Variants in UAP1 observed in about 807,000 individuals in gnomAD.
UAP1 encodes the protein UDP-N-acetylglucosamine pyrophosphorylase 1, also known as UDP-N-acetylhexosamine pyrophosphorylase.
UAP1 carries 25 observed loss-of-function variants against 58.5 expected under a neutral mutation model. That is an observed-to-expected ratio of 0.43 (90% CI 0.31 to 0.60). The LOEUF is 0.60. Among genes scored for constraint, UAP1 ranks in the 20% least tolerant of loss-of-function variants. UAP1 has a pLI of 0.11. For synonymous variants in UAP1, 208 were observed against 213.0 expected (o/e 0.98, Z 0.21); for missense variants, 575 against 630.0 (o/e 0.91, Z 0.93).
intron 10 of UAP1, among the ~76,000 whole-genome samples, chr1:162,598,973 A>C (rs1037374659): frequency 6.6e-6 from 1 of 151,908 alleles, no homozygotes; most frequent in Non-Finnish European, 1.5e-5. Flanking sequence ...CATAGGGGTG[A>C]GACTACTCCG....
At chr1:162,587,438 T>G (rs1038071824) in intron 5 of UAP1, 37 bp from the exon 6 acceptor site, 7 of 1,535,332 alleles carry the variant, frequency 4.6e-6, no homozygotes, top group East Asian at 2.3e-5. Flanking sequence ...AACATTTAAT[T>G]CAATTTCCTC....
chr1:162,574,283 G>A (rs187362722), intron 2 of UAP1, among the ~76,000 whole-genome samples: 11 of 152,040 alleles, frequency 7.2e-5, no homozygotes, highest in Non-Finnish European at 4.4e-5. Flanking sequence ...AGTAGAGACG[G>A]GGTTTCACCA....
intron 5 of UAP1, among the ~76,000 whole-genome samples, chr1:162,585,314 A>G (rs768420506): frequency 1.6e-4 from 24 of 151,296 alleles, no homozygotes; most frequent in Admixed American, 5.3e-4. Flanking sequence ...CTGGAGCGCA[A>G]TGGCGCAATC....
chr1:162,600,311 C>G (rs1655856081), downstream of UAP1, among the ~76,000 whole-genome samples: 1 of 152,100 alleles, frequency 6.6e-6, no homozygotes, highest in South Asian at 2.1e-4. Flanking sequence ...TGAATTTTCT[C>G]TGGTAGGCTA....
intron 2 of UAP1, among the ~76,000 whole-genome samples, chr1:162,570,087 T>C (rs1448489817): frequency 6.6e-6 from 1 of 151,010 alleles, no homozygotes; most frequent in Non-Finnish European, 1.5e-5. Context: ...AGGCGGAGCT[T>C]GCAGTGAGCC....
exon 8 of UAP1, chr1:162,590,461 A>G: frequency 1.2e-6 from 2 of 1,610,088 alleles, no homozygotes; most frequent in African/African-American, 1.3e-5. Flanking sequence ...TCCTCAATGC[A>G]GGGGGCCATT....
intron 2 of UAP1, among the ~76,000 whole-genome samples, chr1:162,569,084 A>T (rs983473074): frequency 2.0e-5 from 3 of 152,218 alleles, no homozygotes; most frequent in Admixed American, 2.0e-4. Flanking sequence ...CTTTATGTTG[A>T]CATTATATCC....
At chr1:162,584,841 A>C (rs1654809288) in intron 5 of UAP1, among the ~76,000 whole-genome samples, 1 of 152,224 alleles carries the variant, frequency 6.6e-6, no homozygotes, top group Admixed American at 6.5e-5. Context: ...GGAGTGAAGA[A>C]CATGAGAAAA....
At chr1:162,581,192 T>G (rs1654565098) in intron 4 of UAP1, 95 bp from the exon 5 acceptor site, 2 of 1,407,396 alleles carry the variant, frequency 1.4e-6, no homozygotes, top group South Asian at 3.1e-5. Flanking sequence ...GCGAATTTTG[T>G]TTTTTAGGGA....
downstream of UAP1, among the ~76,000 whole-genome samples, chr1:162,600,071 A>G (rs190896648): frequency 4.2e-4 from 64 of 152,300 alleles, no homozygotes; most frequent in African/African-American, 1.4e-3. Flanking sequence ...GTCTGGAGAT[A>G]TTTTTGGTTG....
At chr1:162,595,317 A>G (rs1655553022) in intron 9 of UAP1, among the ~76,000 whole-genome samples, 2 of 152,110 alleles carry the variant, frequency 1.3e-5, no homozygotes, top group Non-Finnish European at 2.9e-5. Flanking sequence ...TGGGTTCACA[A>G]CCACCTTCTG....
chr1:162,566,973 T>C lies in UAP1; in HGVS notation c.280+625T>C, dbSNP rs532487277. 4.6e-5 allele frequency among the ~76,000 whole-genome samples: 7 copies of C among 152,286 alleles called. No individual in the cohort carries two copies. In the South Asian group the frequency reaches 1.5e-3, roughly 32 times the overall value. On this transcript the variant is annotated intron_variant, in intron 2 of 10. Transcript: ENST00000271469. Reference sequence around the variant, plus strand: ...CCTGCCCTAACCTGATCCTAACCCATATTTCCAATCAACATTTTAGCTGAA... The same window carrying C: ...CCTGCCCTAACCTGATCCTAACCCACATTTCCAATCAACATTTTAGCTGAA...
intron 2 of UAP1, among the ~76,000 whole-genome samples, chr1:162,572,591 A>T (rs1653934976): frequency 6.6e-6 from 1 of 152,260 alleles, no homozygotes; most frequent in Admixed American, 6.5e-5. Context: ...CACATGTGCC[A>T]TATGAAGAAA....
At chr1:162,569,151 C>G (rs867685240) in intron 2 of UAP1, among the ~76,000 whole-genome samples, 2 of 152,146 alleles carry the variant, frequency 1.3e-5, no homozygotes, top group Non-Finnish European at 2.9e-5. Context: ...AATGAAGTTT[C>G]TGCAGTAAGT....
chr1:162,565,598 A>T (rs1418906967), intron 1 of UAP1, among the ~76,000 whole-genome samples: 1 of 152,246 alleles, frequency 6.6e-6, no homozygotes, highest in Non-Finnish European at 1.5e-5. Flanking sequence ...TTAAGCAGTC[A>T]GGTGTTCTTT....
intron 1 of UAP1, among the ~76,000 whole-genome samples, chr1:162,564,310 T>G (rs1653358694): frequency 6.6e-6 from 1 of 152,186 alleles, no homozygotes; most frequent in Non-Finnish European, 1.5e-5. Flanking sequence ...ATTATTAATC[T>G]CATTTTACAG....
intron 4 of UAP1, among the ~76,000 whole-genome samples, chr1:162,580,592 T>A (rs10917569): frequency 6.6e-6 from 1 of 152,192 alleles, no homozygotes; most frequent in African/African-American, 2.4e-5. Context: ...GAAAAGAAAT[T>A]AATAGTATTA....
chr1:162,587,347 TAA>T, intron 5 of UAP1, 126 bp from the exon 6 acceptor site: 1 of 827,318 alleles, frequency 1.2e-6, no homozygotes, highest in South Asian at 2.0e-5. Flanking sequence ...TGTCTAAAGT[TAA>T]AGATTCTTCT....
chr1:162,580,526 A>G (rs1654516749), intron 4 of UAP1, among the ~76,000 whole-genome samples: 3 of 152,224 alleles, frequency 2.0e-5, no homozygotes, highest in Non-Finnish European at 4.4e-5. Context: ...CAGTCTATAA[A>G]AATAGACCTA....
Sources: gnomAD v4.1 joint callset for allele counts (sites outside exome capture counted in the v4.1 genomes callset) on GRCh38, gnomAD v4.1.1 for gene constraint, MANE v1.5 for transcripts, NCBI Gene and HGNC (gene_info 2026-07-23, HGNC 2026-07-21) for gene names.